ABHD12: variants seen among roughly 807,000 people sequenced by gnomAD.
ABHD12 encodes lysophosphatidylserine lipase ABHD12.
ABHD12 carries 43 observed loss-of-function variants against 58.3 expected under a neutral mutation model. The observed-to-expected ratio is 0.74, with a 90% confidence interval of 0.58 to 0.95. The LOEUF (loss-of-function observed/expected upper bound fraction) is 0.95. ABHD12 is among the 40% of genes least tolerant of loss of function. The pLI is 0.00. For missense variants in ABHD12, 539 were observed against 537.2 expected (o/e 1.00, Z -0.03); for synonymous variants, 219 against 211.2 (o/e 1.04, Z -0.32).
chr20:25,347,555 T>C (rs1315572391), intron 1 of ABHD12, among the ~76,000 whole-genome samples: 1 of 152,148 alleles, frequency 6.6e-6, no homozygotes, highest in Non-Finnish European at 1.5e-5. Context: ...CCAGGTGTGG[T>C]GGTTCACACC....
Position 25,303,533 on chromosome 20 carries a change from C to T in ABHD12, c.1029+17G>A, listed in dbSNP as rs755907086. 1 of 1,612,754 alleles carries T rather than the reference C, an allele frequency of 6.2e-7. No homozygotes were observed. The highest frequency in any genetic ancestry group is 1.1e-5 in the South Asian group (1 of 90,844). On this transcript the variant is annotated intron_variant, in intron 11 of 12. Transcript: ENST00000339157. Reference sequence around the variant, plus strand: ...TGCAAGATGCCAGCTACACCAGAGGCAGAGGCCAGGACCCACCTTTCTGCC... The same window carrying T: ...TGCAAGATGCCAGCTACACCAGAGGTAGAGGCCAGGACCCACCTTTCTGCC...
At chr20:25,368,103 C>T (rs2089848415) in intron 1 of ABHD12, among the ~76,000 whole-genome samples, 2 of 152,148 alleles carry the variant, frequency 1.3e-5, no homozygotes, top group Non-Finnish European at 2.9e-5. Flanking sequence ...ATAAACTTAA[C>T]ACTGCAATCC....
At chr20:25,322,381 A>ATATTTTTTTTTTTTTT in intron 3 of ABHD12, among the ~76,000 whole-genome samples, 1 of 59,284 alleles carries the variant, frequency 1.7e-5, no homozygotes, top group Non-Finnish European at 3.2e-5. Context: ...ATATATATAT[A>ATATTTTTTTTTTTTTT]TTTTTTTTTT....
chr20:25,363,664 T>G (rs1205912719), intron 1 of ABHD12, among the ~76,000 whole-genome samples: 1 of 151,952 alleles, frequency 6.6e-6, no homozygotes, highest in Non-Finnish European at 1.5e-5. Context: ...GTCAGGAGTT[T>G]GAGACCAGCC....
chr20:25,299,607 C>G (rs1340777738), downstream of ABHD12, among the ~76,000 whole-genome samples: 1 of 152,184 alleles, frequency 6.6e-6, no homozygotes, highest in Non-Finnish European at 1.5e-5. Context: ...GCCTTGGGCT[C>G]TGTGCTGGAG....
At chr20:25,351,827 G>A (rs1025366229) in intron 1 of ABHD12, among the ~76,000 whole-genome samples, 1 of 152,026 alleles carries the variant, frequency 6.6e-6, no homozygotes. Flanking sequence ...CTTGAACTCA[G>A]GGGGTGGAGG....
chr20:25,385,926 G>A (rs940120093), intron 1 of ABHD12, among the ~76,000 whole-genome samples: 11 of 151,468 alleles, frequency 7.3e-5, no homozygotes, highest in African/African-American at 2.4e-4. Flanking sequence ...GTGAAACCCC[G>A]TCTCTACTAA....
intron 1 of ABHD12, among the ~76,000 whole-genome samples, chr20:25,344,933 C>A (rs1049955589): frequency 3.9e-5 from 6 of 152,216 alleles, no homozygotes; most frequent in Non-Finnish European, 8.8e-5. Context: ...AACAACTGTA[C>A]ATTCGTATGG....
chr20:25,364,695 T>C (rs1302846752), intron 1 of ABHD12, among the ~76,000 whole-genome samples: 2 of 152,224 alleles, frequency 1.3e-5, no homozygotes, highest in Non-Finnish European at 2.9e-5. Flanking sequence ...AAAACATACG[T>C]CACTAAATTA....
At chr20:25,349,700 T>A (rs2089572841) in intron 1 of ABHD12, among the ~76,000 whole-genome samples, 1 of 152,182 alleles carries the variant, frequency 6.6e-6, no homozygotes, top group Non-Finnish European at 1.5e-5. Context: ...ATAGGCAAAT[T>A]CATACAGACA....
chr20:25,300,349 G>C lies in ABHD12; in HGVS notation c.*496C>G. ...GAGTGGGCCAGCCCAGGGGAGGTGG[G>C]GCAGCTGAGAAAGGCAAGCAGGTAC... On this transcript the variant is annotated 3_prime_UTR_variant, in exon 13 of 13. Transcript: ENST00000339157. 1.9e-6 allele frequency: 2 copies of C among 1,053,412 alleles called. No individual in the cohort carries two copies. Among genetic ancestry groups the C allele is most frequent in the South Asian group, 6.7e-5 (2 of 29,888 alleles). The allele number at this position is 1,053,412 out of a possible 1,614,324, so 65.3% of individuals were successfully genotyped here.
chr20:25,364,145 A>G (rs1413516654), intron 1 of ABHD12, among the ~76,000 whole-genome samples: 1 of 152,152 alleles, frequency 6.6e-6, no homozygotes, highest in African/African-American at 2.4e-5. Context: ...AGGCCATACT[A>G]AGACTCTCCT....
intron 4 of ABHD12, 93 bp downstream of exon 4, chr20:25,320,106 C>T: frequency 6.4e-7 from 1 of 1,569,630 alleles, no homozygotes; most frequent in South Asian, 1.1e-5. Context: ...CCGCAGGTTG[C>T]TCCTGCTGGT....
chr20:25,301,936 C>T (rs1480866501), intron 12 of ABHD12, among the ~76,000 whole-genome samples: 1 of 152,232 alleles, frequency 6.6e-6, no homozygotes, highest in African/African-American at 2.4e-5. Flanking sequence ...TGAGTGTTCC[C>T]AAACATGGCC....
At chr20:25,304,056 G>A (rs909332194) in intron 10 of ABHD12, among the ~76,000 whole-genome samples, 4 of 152,250 alleles carry the variant, frequency 2.6e-5, no homozygotes, top group Admixed American at 6.5e-5. Flanking sequence ...AGTGATTTAG[G>A]ATTTTCAGTA....
chr20:25,308,418 A>C, intron 8 of ABHD12, 39 bp downstream of exon 8: 3 of 1,604,744 alleles, frequency 1.9e-6, no homozygotes, highest in Non-Finnish European at 2.6e-6. Context: ...AGCACCCTGA[A>C]TGCTCACTGC....
chr20:25,321,907 T>C (rs900408669), intron 3 of ABHD12, among the ~76,000 whole-genome samples: 3 of 152,242 alleles, frequency 2.0e-5, no homozygotes, highest in African/African-American at 7.2e-5. Context: ...CTTCTTGTTT[T>C]ATGTTCTTTA....
At chr20:25,385,436 G>A (rs1039567943) in intron 1 of ABHD12, among the ~76,000 whole-genome samples, 4 of 151,086 alleles carry the variant, frequency 2.6e-5, no homozygotes, top group African/African-American at 9.7e-5. Context: ...GAGGAGAAAA[G>A]GTGAATTAAA....
intron 1 of ABHD12, among the ~76,000 whole-genome samples, chr20:25,355,217 G>A (rs996431120): frequency 2.6e-5 from 4 of 152,094 alleles, no homozygotes; most frequent in Non-Finnish European, 5.9e-5. Context: ...CAGGCTGGAC[G>A]ACACTTAATG....
Sources: allele counts gnomAD v4.1 joint callset (sites outside exome capture counted in the v4.1 genomes callset), GRCh38; gene constraint gnomAD v4.1.1; transcripts MANE v1.5; gene names NCBI Gene and HGNC (gene_info 2026-07-23, HGNC 2026-07-21).